The following BCAS3 variants were observed in gnomAD, a reference collection of about 807,000 sequenced individuals.
The protein encoded by BCAS3 is BCAS3 microtubule associated cell migration factor.
Under a neutral mutation model 116.1 loss-of-function variants are expected in BCAS3, and 53 were observed. That is an observed-to-expected ratio of 0.46 (90% CI 0.37 to 0.57). The LOEUF is 0.57. BCAS3 is among the 20% of genes least tolerant of loss of function. BCAS3 has a pLI of 0.00. For missense variants in BCAS3, 917 were observed against 1,165.4 expected, an observed-to-expected ratio of 0.79 and a Z score of 3.10; for synonymous variants, 391 against 408.2, an observed-to-expected ratio of 0.96 and a Z score of 0.51.
intron 22 of BCAS3, among the ~76,000 whole-genome samples, chr17:61,154,470 C>T (rs916205885): frequency 3.3e-5 from 5 of 150,498 alleles, no homozygotes; most frequent in Admixed American, 6.6e-5. Context: ...GGGTCTCCCT[C>T]TGTTGCCCAG....
At chr17:60,717,157 T>C (rs566095695) in intron 5 of BCAS3, among the ~76,000 whole-genome samples, 1 of 152,268 alleles carries the variant, frequency 6.6e-6, no homozygotes, top group South Asian at 2.1e-4. Context: ...TCCAAGCCAG[T>C]ACAAACATTC....
At chr17:61,328,890 CTTTTT>C (rs922578027) in intron 22 of BCAS3, among the ~76,000 whole-genome samples, 2 of 122,608 alleles carry the variant, frequency 1.6e-5, no homozygotes, top group East Asian at 4.6e-4. Flanking sequence ...GACGCAGGCT[CTTTTT>C]TTTTTTTTTT....
chr17:61,046,082 TTA>T (rs1555685837), intron 19 of BCAS3, among the ~76,000 whole-genome samples: 29 of 32,954 alleles, frequency 8.8e-4, no homozygotes, highest in African/African-American at 2.1e-3. Context: ...ATATATATAT[TTA>T]TATATATATA....
intron 22 of BCAS3, among the ~76,000 whole-genome samples, chr17:61,360,392 A>G (rs1367588845): frequency 6.6e-6 from 1 of 152,218 alleles, no homozygotes; most frequent in African/African-American, 2.4e-5. Context: ...TCCCTGTTTT[A>G]TAGGTTTATT....
At chr17:60,699,029 A>G (rs2036023695) in intron 4 of BCAS3, among the ~76,000 whole-genome samples, 1 of 152,158 alleles carries the variant, frequency 6.6e-6, no homozygotes, top group African/African-American at 2.4e-5. Context: ...CTACACTCTA[A>G]CCTTAGTGAC....
chr17:61,170,308 T>C (rs1601702202), intron 22 of BCAS3, among the ~76,000 whole-genome samples: 1 of 151,790 alleles, frequency 6.6e-6, no homozygotes, highest in East Asian at 2.0e-4. Flanking sequence ...TTTGGTTTTT[T>C]TTGAGACGGA....
Position 61,007,328 on chromosome 17 carries a change from A to T in BCAS3, c.1487-8423A>T, listed in dbSNP as rs1046491709. ...TACCTTTTGGAGTTGTGTCAACTAT[A>T]CTTGCTGTACTTAGAATTTTAGCAA... On this transcript the variant is annotated intron_variant, in intron 15 of 23. Transcript: ENST00000407086. This position sits in a 1 kb window ranked among gnomAD's most constrained non-coding sequence, Gnocchi z 4.3. 6.6e-5 allele frequency among the ~76,000 whole-genome samples: 10 copies of T among 152,016 alleles called. No individual in the cohort carries two copies. Among genetic ancestry groups the T allele is most frequent in the African/African-American group, 2.4e-4 (10 of 41,406 alleles).
At position 61,315,764 on chromosome 17, in the gene BCAS3, A is replaced by G. The variant is rs2054677756; in HGVS notation, c.2426-52563A>G. On this transcript the variant is annotated intron_variant, in intron 22 of 23. Transcript: ENST00000407086. This position sits in a 1 kb window ranked among gnomAD's most constrained non-coding sequence, Gnocchi z 5.3. The stretch of plus-strand genomic sequence containing the variant: ...TGAGATGTCCCCTGACATGCCCCTC[A>G]CCCAGCACCTCTGCCCTCCCATCTG... Among the ~76,000 whole-genome samples, 1 of 151,748 alleles carries G rather than the reference A, an allele frequency of 6.6e-6. No individual in the cohort carries two copies. The highest frequency in any genetic ancestry group is 2.1e-4 in the South Asian group (1 of 4,792).
rs917624530 is a variant in BCAS3 at position 61,088,801 on chromosome 17, C to T, written c.2425+4237C>T. ...ATTGAGATCGAAAGACAAACTTATG[C>T]GTGACTCATATGCAGAGCAGACATC... On this transcript the variant is annotated intron_variant, in intron 22 of 23. Transcript: ENST00000407086. The surrounding 1 kb of genome is among the most constrained non-coding windows in gnomAD (Gnocchi z 4.2). Among the ~76,000 whole-genome samples, 1 of 152,268 alleles carries T rather than the reference C, an allele frequency of 6.6e-6. No individual in the cohort carries two copies.
chr17:60,897,812 C>A (rs1015762176), intron 10 of BCAS3, among the ~76,000 whole-genome samples: 2 of 152,080 alleles, frequency 1.3e-5, no homozygotes, highest in Non-Finnish European at 2.9e-5. Flanking sequence ...ACCTCCAGGG[C>A]TCAGGTGATC....
intron 10 of BCAS3, among the ~76,000 whole-genome samples, chr17:60,892,359 C>G (rs1205953524): frequency 6.7e-6 from 1 of 148,156 alleles, no homozygotes; most frequent in African/African-American, 2.5e-5. Flanking sequence ...GTTGCCCAGG[C>G]TAGAGTGCAA....
intron 7 of BCAS3, among the ~76,000 whole-genome samples, chr17:60,827,536 A>G (rs903929865): frequency 6.6e-6 from 1 of 152,190 alleles, no homozygotes; most frequent in Non-Finnish European, 1.5e-5. Context: ...CTCATATAGT[A>G]TAAAGCTACA....
intron 22 of BCAS3, among the ~76,000 whole-genome samples, chr17:61,218,125 C>A (rs1281368389): frequency 6.6e-6 from 1 of 152,158 alleles, no homozygotes; most frequent in Non-Finnish European, 1.5e-5. Flanking sequence ...AATGTTGGGT[C>A]ATGAGAGATT....
intron 22 of BCAS3, among the ~76,000 whole-genome samples, chr17:61,310,667 G>A (rs946491302): frequency 6.6e-6 from 1 of 152,218 alleles, no homozygotes; most frequent in South Asian, 2.1e-4. Flanking sequence ...GTATTAAGCC[G>A]AGCTATGAAC....
chr17:60,978,426 C>T (rs923423482), intron 14 of BCAS3, among the ~76,000 whole-genome samples: 13 of 150,596 alleles, frequency 8.6e-5, no homozygotes, highest in Middle Eastern at 3.4e-3. Context: ...GAGTAGGTTG[C>T]GAAAATTTTC....
intron 22 of BCAS3, among the ~76,000 whole-genome samples, chr17:61,135,624 AC>A (rs2076583695): frequency 2.6e-5 from 4 of 152,254 alleles, no homozygotes; most frequent in South Asian, 4.2e-4. Context: ...GACTACTGCC[AC>A]CCCCTGTCTA....
chr17:60,786,613 T>C (rs1353517724), intron 6 of BCAS3, among the ~76,000 whole-genome samples: 1 of 151,670 alleles, frequency 6.6e-6, no homozygotes, highest in African/African-American at 2.4e-5. Context: ...TCTATGTATA[T>C]TACTATAAAT....
At chr17:60,981,640 A>T (rs1429950142) in intron 14 of BCAS3, among the ~76,000 whole-genome samples, 1 of 152,164 alleles carries the variant, frequency 6.6e-6, no homozygotes, top group Non-Finnish European at 1.5e-5. Context: ...ACAGAGTTGC[A>T]ATGTATTTTT....
chr17:60,925,905 G>A (rs1336237477), intron 13 of BCAS3, among the ~76,000 whole-genome samples: 1 of 151,778 alleles, frequency 6.6e-6, no homozygotes, highest in Non-Finnish European at 1.5e-5. Context: ...CTTGGCGGTG[G>A]GACCCAAGTC....
Sources: gnomAD v4.1 joint callset for allele counts (sites outside exome capture counted in the v4.1 genomes callset) on GRCh38, gnomAD v4.1.1 for gene constraint, Gnocchi (gnomAD v3.1) non-coding constraint, MANE v1.5 for transcripts, NCBI Gene and HGNC (gene_info 2026-07-23, HGNC 2026-07-21) for gene names.